HTR1E: variants seen among roughly 807,000 people sequenced by gnomAD.
HTR1E encodes 5-hydroxytryptamine receptor 1E.
A neutral mutation model predicts 3.4 loss-of-function variants in HTR1E; 3 were observed. The observed-to-expected ratio is 0.89, with a 90% CI of 0.41 to 2.31. The LOEUF is 2.31. HTR1E is among the 30% of genes most tolerant of loss of function. The probability of loss-of-function intolerance (pLI) is 0.05; values close to 1 mark genes in which losing one functional copy is unlikely to be tolerated. For missense variants in HTR1E, 392 were observed against 467.0 expected (o/e 0.84, Z 1.48); for synonymous variants, 170 against 182.8 (o/e 0.93, Z 0.56).
At position 86,997,727 on chromosome 6, in the gene HTR1E, T is replaced by A. The variant is rs149064372; in HGVS notation, c.-185-17423T>A. ...AAATAGAAAATAAGTTAAAAGATGG[T>A]AGACTTAAACCAAAGCATACCAATA... On this transcript the variant is annotated intron_variant, in intron 1 of 1. Transcript: ENST00000305344. Among the ~76,000 whole-genome samples the A allele has an allele frequency of 2.3e-4, 35 of 151,852 alleles. No homozygotes were observed. In the East Asian group the frequency reaches 6.0e-3, roughly 26 times the overall value.
intron 1 of HTR1E, among the ~76,000 whole-genome samples, chr6:86,967,439 A>G (rs1409894642): frequency 1.3e-5 from 2 of 152,198 alleles, no homozygotes; most frequent in Non-Finnish European, 2.9e-5. Flanking sequence ...CATTTTTAAA[A>G]TGCCTTGCTA....
chr6:86,955,927 G>A (rs932338682), intron 1 of HTR1E, among the ~76,000 whole-genome samples: 6 of 151,904 alleles, frequency 3.9e-5, no homozygotes, highest in Admixed American at 3.9e-4. Context: ...TCTCAGTCAA[G>A]GGCATTCCAA....
intron 1 of HTR1E, among the ~76,000 whole-genome samples, chr6:86,964,115 A>G (rs1325766142): frequency 2.0e-5 from 3 of 152,208 alleles, no homozygotes; most frequent in Non-Finnish European, 2.9e-5. Context: ...ACGGTATGCT[A>G]GGGAAGTCTT....
chr6:87,016,523 G>C lies in HTR1E; in HGVS notation c.*91G>C. 1 of 1,094,880 alleles carries C rather than the reference G, an allele frequency of 9.1e-7. No individual in the cohort carries two copies. The highest frequency in any genetic ancestry group is 1.7e-5 in the South Asian group (1 of 58,746). The allele number at this position is 1,094,880 out of a possible 1,614,324, so 67.8% of individuals were successfully genotyped here. ...AACTTATTAATTCTTGAACATACTT[G>C]GTTCAGGAGAGTTTGTAAGTATGTG... On this transcript the variant is annotated 3_prime_UTR_variant, in exon 2 of 2. Transcript: ENST00000305344.
intron 1 of HTR1E, among the ~76,000 whole-genome samples, chr6:86,993,684 C>T (rs1003279028): frequency 2.0e-4 from 30 of 151,840 alleles, no homozygotes; most frequent in African/African-American, 3.1e-4. Context: ...CCTGGAGCAA[C>T]GTCAGAGGAA....
intron 1 of HTR1E, among the ~76,000 whole-genome samples, chr6:87,000,533 C>G (rs1169749324): frequency 2.6e-5 from 4 of 152,136 alleles, no homozygotes; most frequent in Non-Finnish European, 4.4e-5. Context: ...CAATGGAGCT[C>G]CAATATCTCC....
At chr6:86,965,441 AT>A (rs201278313) in intron 1 of HTR1E, among the ~76,000 whole-genome samples, 180 of 151,392 alleles carry the variant, frequency 1.2e-3, no homozygotes, top group African/African-American at 4.2e-3. Flanking sequence ...GAAGTTCTGT[AT>A]TTTTTTTTAA....
At chr6:86,946,875 G>C (rs1260245350) in intron 1 of HTR1E, among the ~76,000 whole-genome samples, 1 of 152,182 alleles carries the variant, frequency 6.6e-6, no homozygotes, top group Non-Finnish European at 1.5e-5. Flanking sequence ...CCAGTACTTT[G>C]GGAAGCCAAG....
rs73497558 is a variant in HTR1E at position 86,952,041 on chromosome 6, T to G, written c.-186+14218T>G. 6.1e-3 allele frequency among the ~76,000 whole-genome samples: 922 copies of G among 152,342 alleles called. 9 individuals are homozygous for G. Among genetic ancestry groups the G allele is most frequent in the African/African-American group, 0.021 (863 of 41,580 alleles). On this transcript the variant is annotated intron_variant, in intron 1 of 1. Transcript: ENST00000305344. ...CAAGTACACGATGCCTACTTTAAAT[T>G]ATCCTTAATCATGAAGGGAATTTGT...
intron 1 of HTR1E, among the ~76,000 whole-genome samples, chr6:86,966,484 G>A (rs777148928): frequency 2.6e-5 from 4 of 152,240 alleles, no homozygotes; most frequent in Non-Finnish European, 5.9e-5. Context: ...TGGAATCTTG[G>A]GCAATTGTGG....
Position 87,015,585 on chromosome 6 carries a change from T to C in HTR1E, c.251T>C (p.Val84Ala), listed in dbSNP as rs867993738. 6.2e-7 allele frequency: 1 copy of C among 1,614,004 alleles called. No homozygotes were observed. The highest frequency in any genetic ancestry group is 1.3e-5 in the African/African-American group (1 of 75,024). ...ATGCCCCTGAGCATCATCTACATTG[T>C]CATGGATCGCTGGAAGCTTGGGTAC... ...LVMPLSIIYI[V>A]MDRWKLGYFL... The change falls in exon 2 of 2, where the codon GTC (valine) becomes GCC (alanine). Residue 84 changes from valine (V) to alanine (A), a missense_variant. This residue lies in a region of HTR1E where 189 missense variants were observed against 258.0 expected (regional missense o/e 0.73). Transcript: ENST00000305344.
intron 1 of HTR1E, among the ~76,000 whole-genome samples, chr6:86,978,469 C>T (rs1767668809): frequency 6.6e-6 from 1 of 152,110 alleles, no homozygotes; most frequent in Admixed American, 6.6e-5. Flanking sequence ...GTCTGAATTC[C>T]AGGCTGTCTA....
At chr6:86,968,619 G>T (rs1220558842) in intron 1 of HTR1E, among the ~76,000 whole-genome samples, 3 of 152,088 alleles carry the variant, frequency 2.0e-5, no homozygotes, top group African/African-American at 7.2e-5. Flanking sequence ...CCTTTTCTGT[G>T]AACTCTATTT....
intron 1 of HTR1E, among the ~76,000 whole-genome samples, chr6:87,003,556 A>G (rs1382137676): frequency 1.3e-5 from 2 of 151,904 alleles, no homozygotes; most frequent in African/African-American, 4.8e-5. Flanking sequence ...AAAAAAGAAA[A>G]AAGAAAGAAA....
chr6:86,973,164 A>G (rs1290047623), intron 1 of HTR1E, among the ~76,000 whole-genome samples: 1 of 152,134 alleles, frequency 6.6e-6, no homozygotes. Context: ...TCTACCCTCC[A>G]CCTTCTCCTT....
rs769978668 is a variant in HTR1E at position 87,015,287 on chromosome 6, G to GA, written c.-44dup. 9.6e-6 allele frequency: 14 copies of GA among 1,458,896 alleles called. No individual in the cohort carries two copies. In the South Asian group the frequency reaches 2.3e-4, roughly 24 times the overall value. The allele number at this position is 1,458,896 out of a possible 1,614,324, so 90.4% of individuals were successfully genotyped here. On this transcript the variant is annotated 5_prime_UTR_variant, in exon 2 of 2. Coordinates refer to ENST00000305344, the MANE Select transcript of HTR1E (RefSeq NM_000865.3). ...GAGGCTACATAGTTTTCAGCCAAAG[G>GA]AAAATAACCAACAGCTTCTCCACAG... is the stretch of plus-strand genomic sequence containing the variant.
intron 1 of HTR1E, among the ~76,000 whole-genome samples, chr6:86,940,333 C>T (rs1039487132): frequency 2.6e-5 from 4 of 152,014 alleles, no homozygotes; most frequent in African/African-American, 7.2e-5. Context: ...CCCATGAGTT[C>T]GAGACCAGCC....
intron 1 of HTR1E, among the ~76,000 whole-genome samples, chr6:86,950,576 T>C (rs1767223160): frequency 1.3e-5 from 2 of 152,224 alleles, no homozygotes; most frequent in African/African-American, 4.8e-5. Context: ...GTAATGATAA[T>C]ACAAACATCA....
chr6:86,971,000 T>A (rs1164325715), intron 1 of HTR1E: 1 of 437,776 alleles, frequency 2.3e-6, no homozygotes, highest in African/African-American at 2.0e-5. Context: ...TATGGCATCA[T>A]CTGCTTGGAG....
Sources: gnomAD v4.1 joint callset for allele counts (sites outside exome capture counted in the v4.1 genomes callset) on GRCh38, gnomAD v4.1.1 for gene constraint, gnomAD v4.1.1 regional missense constraint, MANE v1.5 for transcripts, NCBI Gene and HGNC (gene_info 2026-07-23, HGNC 2026-07-21) for gene names.